AGBL1: variants seen among roughly 807,000 people sequenced by gnomAD.
The protein encoded by AGBL1 is AGBL carboxypeptidase 1.
AGBL1 carries 130 observed loss-of-function variants against 118.9 expected under a neutral mutation model. The observed-to-expected ratio is 1.09, with a 90% confidence interval of 0.95 to 1.26. The LOEUF is 1.26. Among genes scored for constraint, AGBL1 ranks in the 50% most tolerant of loss-of-function variants. The probability of loss-of-function intolerance (pLI) is 0.00; values close to 1 mark genes in which losing one functional copy is unlikely to be tolerated. For synonymous variants in AGBL1, 555 were observed against 478.9 expected, an observed-to-expected ratio of 1.16 and a Z score of -2.08; for missense variants, 1,584 against 1,298.1, an observed-to-expected ratio of 1.22 and a Z score of -3.38.
chr15:86,846,359 T>A (rs926664061), intron 22 of AGBL1, among the ~76,000 whole-genome samples: 1 of 152,222 alleles, frequency 6.6e-6, no homozygotes. Context: ...TTGTTTCTGA[T>A]AAGAAGTCTG....
chr15:86,788,036 A>G (rs2078439439), intron 22 of AGBL1, among the ~76,000 whole-genome samples: 1 of 152,190 alleles, frequency 6.6e-6, no homozygotes, highest in Non-Finnish European at 1.5e-5. Context: ...GAACAAAGAA[A>G]TGTACATCAA....
At chr15:86,236,846 G>T (rs62013795) in intron 6 of AGBL1, among the ~76,000 whole-genome samples, 1 of 84,368 alleles carries the variant, frequency 1.2e-5, no homozygotes, top group Non-Finnish European at 3.2e-5. Flanking sequence ...CACATAGCCC[G>T]GGGAAAAAAC....
At chr15:86,472,818 C>T (rs1451467421) in intron 18 of AGBL1, among the ~76,000 whole-genome samples, 1 of 152,102 alleles carries the variant, frequency 6.6e-6, no homozygotes, top group Non-Finnish European at 1.5e-5. Flanking sequence ...ACTTGGGAGG[C>T]TGAGGCAGAA....
At chr15:86,560,603 T>A (rs1233768080) in intron 21 of AGBL1, among the ~76,000 whole-genome samples, 2 of 152,238 alleles carry the variant, frequency 1.3e-5, no homozygotes, top group Admixed American at 1.3e-4. Flanking sequence ...TAAACACACA[T>A]GTGCATCTGT....
At chr15:86,092,899 A>G (rs1896126946) in intron 1 of AGBL1, among the ~76,000 whole-genome samples, 1 of 152,158 alleles carries the variant, frequency 6.6e-6, no homozygotes, top group Non-Finnish European at 1.5e-5. Context: ...AAGAAACCTC[A>G]TTGCCTAATT....
chr15:86,619,987 G>T (rs1029122529), intron 21 of AGBL1, among the ~76,000 whole-genome samples: 3 of 152,168 alleles, frequency 2.0e-5, no homozygotes, highest in African/African-American at 7.2e-5. Context: ...CTGCTGATGG[G>T]CTTTCCAGAC....
chr15:86,909,879 T>G lies in AGBL1; in HGVS notation c.*2585T>G, dbSNP rs1194332275. ...TCTTAAAAAACGTGACCATGACAGA[T>G]AAGTTTTTATGTGGCATGTTCAGAA... On this transcript the variant is annotated 3_prime_UTR_variant, in exon 23 of 23. Transcript: ENST00000614907. The G allele has an allele frequency of 6.6e-6, 1 of 152,214 alleles. No individual in the cohort carries two copies. Among genetic ancestry groups the G allele is most frequent in the East Asian group, 1.9e-4 (1 of 5,194 alleles). The allele number at this position is 152,214 out of a possible 1,614,324, so 9.4% of individuals were successfully genotyped here. A position where few individuals can be genotyped will look rare whatever the true frequency, so the allele number is the denominator to read the frequency against.
intron 24 of AGBL1, among the ~76,000 whole-genome samples, chr15:87,014,040 T>A (rs2081586492): frequency 6.6e-6 from 1 of 152,194 alleles, no homozygotes; most frequent in African/African-American, 2.4e-5. Context: ...TTAATGTACC[T>A]AAACTATAAT....
chr15:86,195,739 T>G (rs908040982), intron 5 of AGBL1, among the ~76,000 whole-genome samples: 4 of 152,192 alleles, frequency 2.6e-5, no homozygotes, highest in African/African-American at 9.7e-5. Context: ...AAATGGCAAC[T>G]AAACCACAGA....
At chr15:86,589,772 ACTT>A (rs1183954420) in intron 21 of AGBL1, among the ~76,000 whole-genome samples, 2 of 151,508 alleles carry the variant, frequency 1.3e-5, no homozygotes, top group African/African-American at 4.9e-5. Context: ...CTATTAGTCT[ACTT>A]CTTTATCTAA....
chr15:86,371,616 G>A (rs1299730281), intron 17 of AGBL1, among the ~76,000 whole-genome samples: 1 of 151,974 alleles, frequency 6.6e-6, no homozygotes, highest in African/African-American at 2.4e-5. Context: ...TGTGTGTGTG[G>A]ACTCCCATAC....
chr15:86,105,856 G>C (rs1240724801), intron 1 of AGBL1, among the ~76,000 whole-genome samples: 2 of 152,196 alleles, frequency 1.3e-5, no homozygotes, highest in Non-Finnish European at 2.9e-5. Flanking sequence ...CAAGGTCTGT[G>C]AAACTGAGTT....
intron 5 of AGBL1, among the ~76,000 whole-genome samples, chr15:86,191,790 T>A (rs551879897): frequency 6.6e-6 from 1 of 151,610 alleles, no homozygotes; most frequent in African/African-American, 2.4e-5. Context: ...TTATTTATAA[T>A]AACATATGAA....
At chr15:86,705,792 A>G (rs963805) in intron 22 of AGBL1, among the ~76,000 whole-genome samples, 35,404 of 152,058 alleles carry the variant, frequency 0.23, 4,502 homozygotes, top group Non-Finnish European at 0.29. Context: ...GAGCACATCA[A>G]GGTGTCTCTA....
intron 22 of AGBL1, among the ~76,000 whole-genome samples, chr15:86,780,732 T>C (rs1388514841): frequency 6.6e-6 from 1 of 151,666 alleles, no homozygotes; most frequent in African/African-American, 2.4e-5. Context: ...CGTGATATCT[T>C]GGCTCACTGC....
intron 5 of AGBL1, among the ~76,000 whole-genome samples, chr15:86,161,120 G>A (rs2077262129): frequency 6.6e-6 from 1 of 152,152 alleles, no homozygotes; most frequent in Admixed American, 6.6e-5. Context: ...AGAGTAGGGT[G>A]CTCCCAATCA....
chr15:86,274,823 C>A (rs2079220708), intron 15 of AGBL1, among the ~76,000 whole-genome samples: 1 of 152,120 alleles, frequency 6.6e-6, no homozygotes, highest in African/African-American at 2.4e-5. Context: ...AACTTAATTT[C>A]TTTCTTACTA....
chr15:86,364,136 C>G (rs1122907), intron 17 of AGBL1, among the ~76,000 whole-genome samples: 80,141 of 151,882 alleles, frequency 0.53, 23,114 homozygotes, highest in Non-Finnish European at 0.65. Context: ...AATAATCATT[C>G]TTTTCTTCAG....
intron 5 of AGBL1, among the ~76,000 whole-genome samples, chr15:86,206,645 CT>C (rs1355474275): frequency 2.0e-5 from 3 of 152,314 alleles, no homozygotes; most frequent in African/African-American, 7.2e-5. Context: ...TCCTCTCCCA[CT>C]TTGTGATGGG....
Sources: gnomAD v4.1 joint callset for allele counts (sites outside exome capture counted in the v4.1 genomes callset) on GRCh38, gnomAD v4.1.1 for gene constraint, MANE v1.5 for transcripts, NCBI Gene and HGNC (gene_info 2026-07-23, HGNC 2026-07-21) for gene names.